Variants in DSCC1 observed in about 807,000 individuals in gnomAD.
The protein encoded by DSCC1 is DNA replication and sister chromatid cohesion 1, also known as sister chromatid cohesion protein DCC1.
DSCC1 carries 32 observed loss-of-function variants against 48.2 expected under a neutral mutation model. The observed-to-expected ratio is 0.66, with a 90% confidence interval of 0.50 to 0.89. DSCC1 has a LOEUF of 0.89. Among genes scored for constraint, DSCC1 ranks in the 40% least tolerant of loss-of-function variants. The pLI is 0.00. For missense variants in DSCC1, 421 were observed against 471.7 expected (o/e 0.89, Z 1.00); for synonymous variants, 150 against 171.5 (o/e 0.87, Z 0.98).
intron 1 of DSCC1, among the ~76,000 whole-genome samples, chr8:119,853,989 C>T (rs78458916): frequency 2.5e-3 from 379 of 152,236 alleles, no homozygotes; most frequent in African/African-American, 8.5e-3. Context: ...GCCAGAAGAT[C>T]GCTCGAGAGC....
chr8:119,843,575 G>A (rs1253974653), intron 5 of DSCC1, 34 bp downstream of exon 5: 1 of 1,587,036 alleles, frequency 6.3e-7, no homozygotes, highest in African/African-American at 1.4e-5. Context: ...TCCCCTTAAG[G>A]AAATCTGGAT....
chr8:119,853,899 A>G (rs1826976888), intron 1 of DSCC1, among the ~76,000 whole-genome samples: 3 of 152,256 alleles, frequency 2.0e-5, no homozygotes, highest in Non-Finnish European at 4.4e-5. Context: ...ACTAAACCAA[A>G]GACTTTGACA....
At chr8:119,839,565 G>A (rs17819165) in intron 7 of DSCC1, 2,461 of 152,280 alleles carry the variant, frequency 0.016, 24 homozygotes, top group Non-Finnish European at 0.025. Flanking sequence ...CCAACCTTCC[G>A]TCTGTCCATC....
At position 119,847,724 on chromosome 8, in the gene DSCC1, G is replaced by C. The variant is rs1391864691; in HGVS notation, c.487-644C>G. On this transcript the variant is annotated intron_variant, in intron 3 of 8. Transcript: ENST00000313655. ...CTTGTTGCCCAGGCTAGAGTGCAAT[G>C]GTGCGATCTTGGCTCACCACAACCT... is the stretch of plus-strand genomic sequence containing the variant. Among the ~76,000 whole-genome samples the C allele has an allele frequency of 8.8e-5, 13 of 147,686 alleles. No homozygotes were observed. The South Asian group carries it at 2.8e-3, about 31-fold the overall frequency.
chr8:119,846,916 G>T, intron 4 of DSCC1, 74 bp downstream of exon 4: 1 of 1,324,368 alleles, frequency 7.6e-7, no homozygotes. Flanking sequence ...GCAGTAGGGT[G>T]AAGATGTCCA....
rs561458327 is a variant in DSCC1 at position 119,842,219 on chromosome 8, G to A, written c.770-271C>T. 2.7e-4 allele frequency among the ~76,000 whole-genome samples: 41 copies of A among 152,090 alleles called. No homozygotes were observed. In the East Asian group the frequency reaches 7.8e-3, roughly 29 times the overall value. On this transcript the variant is annotated intron_variant, in intron 6 of 8. Transcript: ENST00000313655. ...CTCCCAGGAAGCTGGGATTACAGGTGTGTGCCATCACGCCTGGCTAATTTT... is the reference window on the plus strand; with the variant it reads ...CTCCCAGGAAGCTGGGATTACAGGTATGTGCCATCACGCCTGGCTAATTTT...
chr8:119,844,944 A>C (rs533175667), intron 4 of DSCC1, among the ~76,000 whole-genome samples: 1 of 152,308 alleles, frequency 6.6e-6, no homozygotes, highest in South Asian at 2.1e-4. Flanking sequence ...AGTCCAGCTC[A>C]CCAAAGAGAT....
chr8:119,852,491 T>C (rs993307572), intron 2 of DSCC1, among the ~76,000 whole-genome samples: 6 of 152,118 alleles, frequency 3.9e-5, no homozygotes, highest in African/African-American at 1.4e-4. Flanking sequence ...GTAGCTGGGA[T>C]TACAGGTGCA....
chr8:119,841,942 A>G lies in DSCC1; in HGVS notation c.776T>C (p.Val259Ala). The stretch of plus-strand genomic sequence containing the variant: ...TTTATCAGCATCCAACTCAAAATAA[A>G]CTTCGCCTAAGGAAAAGTTATCAGA... The part of the protein sequence containing the change: ...YGKKYVDEGE[V>A]YFELDADKIC... Residue 259 changes from valine (V) to alanine (A), a missense_variant, in exon 7 of 9, where the codon GTT becomes GCT. Coordinates refer to ENST00000313655, the MANE Select transcript of DSCC1 (RefSeq NM_024094.3). The G allele has an allele frequency of 1.2e-6, 2 of 1,613,396 alleles. No individual in the cohort carries two copies.
chr8:119,844,334 G>A (rs1023458063), intron 4 of DSCC1, among the ~76,000 whole-genome samples: 5 of 151,402 alleles, frequency 3.3e-5, no homozygotes, highest in Non-Finnish European at 7.4e-5. Flanking sequence ...AGCTGCTCAG[G>A]AGGCTGAGGC....
rs1353145602 is a variant in DSCC1, at chr8:119,834,958, T to G, written c.1117A>C (p.Lys373Gln). The change falls in exon 9 of 9, where the codon AAA (lysine) becomes CAA (glutamine). Residue 373 changes from lysine (K) to glutamine (Q), a missense_variant. Physicochemically the swap from Lys to Gln is moderately conservative, Grantham distance 53 (BLOSUM62 1). This residue lies in a region of DSCC1 where 238 missense variants were observed against 259.0 expected (regional missense o/e 0.92). Coordinates refer to ENST00000313655, the MANE Select transcript of DSCC1 (RefSeq NM_024094.3). ...TTTTGCATCGAAGAATGAGAATATTTAGTGAGTAATGCACCTATGGTTTGC... is the reference window on the plus strand; with the variant it reads ...TTTTGCATCGAAGAATGAGAATATTGAGTGAGTAATGCACCTATGGTTTGC... ...EKQTIGALLTKYSHSSMQNGV... is the reference protein window; with the variant it reads ...EKQTIGALLTQYSHSSMQNGV... 3 of 1,610,478 alleles carry G rather than the reference T, an allele frequency of 1.9e-6. No individual in the cohort carries two copies. Among genetic ancestry groups the G allele is most frequent in the Non-Finnish European group, 2.5e-6 (3 of 1,178,030 alleles).
Position 119,834,844 on chromosome 8 carries a change from A to C in DSCC1, c.*49T>G. On this transcript the variant is annotated 3_prime_UTR_variant, in exon 9 of 9. Coordinates refer to ENST00000313655, the MANE Select transcript of DSCC1 (RefSeq NM_024094.3). The stretch of plus-strand genomic sequence containing the variant: ...AGTACAAGTTATTTTTCTTCTATCC[A>C]GCAACTTTATAAAGCAACTTGAGTC... The C allele has an allele frequency of 1.6e-6, 2 of 1,276,738 alleles. No individual in the cohort carries two copies. Among genetic ancestry groups the C allele is most frequent in the Non-Finnish European group, 2.3e-6 (2 of 886,280 alleles). 79.1% of individuals were successfully genotyped at this position (1,276,738 alleles called of 1,614,324 possible). A position where few individuals can be genotyped will look rare whatever the true frequency, so the allele number is the denominator to read the frequency against.
chr8:119,845,578 T>C (rs1471235347), intron 4 of DSCC1, among the ~76,000 whole-genome samples: 1 of 151,890 alleles, frequency 6.6e-6, no homozygotes, highest in Non-Finnish European at 1.5e-5. Flanking sequence ...AGAGAAATTG[T>C]ATCCATCCCC....
At position 119,850,424 on chromosome 8, in the gene DSCC1, T is replaced by C; in HGVS notation, c.444A>G (p.Glu148=). Reference sequence around the variant, plus strand: ...CCTTCTCTTTTTGACTGTCAGGTCCTTCATATGGATTTTCCATCAAAAGTT... The same window carrying C: ...CCTTCTCTTTTTGACTGTCAGGTCCCTCATATGGATTTTCCATCAAAAGTT... The part of the protein sequence containing the change: ...LKKLLMENPY[E]GPDSQKEKDS... The change falls in exon 3 of 9, where the codon GAA becomes GAG. Residue 148 remains glutamate (E), a synonymous_variant. Coordinates refer to ENST00000313655, the MANE Select transcript of DSCC1 (RefSeq NM_024094.3). The C allele has an allele frequency of 6.2e-7, 1 of 1,601,814 alleles. No homozygotes were observed. The highest frequency in any genetic ancestry group is 2.3e-5 in the East Asian group (1 of 44,296).
Position 119,847,099 on chromosome 8 carries a change from A to T in DSCC1, c.487-19T>A, listed in dbSNP as rs1563945724. 6.3e-7 allele frequency: 1 copy of T among 1,598,068 alleles called. No homozygotes were observed. The highest frequency in any genetic ancestry group is 1.1e-5 in the South Asian group (1 of 90,458). On this transcript the variant is annotated intron_variant, in intron 3 of 8. Transcript: ENST00000313655. ...TTGTATACTGCAAAAAGAAAAAAAT[A>T]TTTTAAGGCCTTTGAAGAATATTTT...
rs1418317355 is a variant in DSCC1 at position 119,853,051 on chromosome 8, G to A, written c.347C>T (p.Thr116Ile). 4.4e-6 allele frequency: 7 copies of A among 1,608,450 alleles called. No homozygotes were observed. The highest frequency in any genetic ancestry group is 4.5e-5 in the East Asian group (2 of 44,760). ...TCAGAGTACAGAAAAGAGCACCTCA[G>A]TGTGAATAATGTTACAGTGTGAATC... is the stretch of plus-strand genomic sequence containing the variant. ...KEDSHCNIIHTEIFGFSNNYW... is the reference protein window; with the variant it reads ...KEDSHCNIIHIEIFGFSNNYW... The change falls in exon 2 of 9, where the codon ACT (threonine) becomes ATT (isoleucine). Residue 116 changes from threonine (T) to isoleucine (I), a missense_variant. By Grantham distance (89) the Thr-to-Ile change is moderately conservative. Coordinates refer to ENST00000313655, the MANE Select transcript of DSCC1 (RefSeq NM_024094.3).
At chr8:119,852,999 C>T (rs1212270408) in intron 2 of DSCC1, 48 bp downstream of exon 2, 1 of 1,460,420 alleles carries the variant, frequency 6.8e-7, no homozygotes, top group Admixed American at 2.2e-5. Context: ...ATTACCATAT[C>T]TGTTTTCATT....
Position 119,843,661 on chromosome 8 carries a change from C to T in DSCC1, c.664G>A (p.Gly222Ser), listed in dbSNP as rs1826808147. ...QLVDSESWSF[G>S]KVPLNTCLQE... ...AGGCATGTGTTCAAAGGAACTTTACCAAAAGACCATGATTCAGAATCCACA... is the reference window on the plus strand; with the variant it reads ...AGGCATGTGTTCAAAGGAACTTTACTAAAAGACCATGATTCAGAATCCACA... Residue 222 changes from glycine to serine, a missense_variant, in exon 5 of 9, where the codon GGT becomes AGT. Physicochemically the swap from Gly to Ser is moderately conservative, Grantham distance 56 (BLOSUM62 0). Transcript: ENST00000313655. 3 of 1,613,986 alleles carry T rather than the reference C, an allele frequency of 1.9e-6. No homozygotes were observed. The highest frequency in any genetic ancestry group is 1.3e-5 in the African/African-American group (1 of 75,004).
intron 7 of DSCC1, among the ~76,000 whole-genome samples, chr8:119,841,357 T>C (rs1373625781): frequency 6.6e-6 from 1 of 152,006 alleles, no homozygotes; most frequent in Non-Finnish European, 1.5e-5. Context: ...GGAGCAAAAT[T>C]AAAAGTGCAA....
Sources: gnomAD v4.1 joint callset for allele counts (sites outside exome capture counted in the v4.1 genomes callset) on GRCh38, gnomAD v4.1.1 for gene constraint, gnomAD v4.1.1 regional missense constraint, MANE v1.5 for transcripts, NCBI Gene and HGNC (gene_info 2026-07-23, HGNC 2026-07-21) for gene names.